The following SH3RF3 variants were observed in gnomAD, a reference collection of about 807,000 sequenced individuals.
SH3RF3 encodes the protein E3 ubiquitin-protein ligase SH3RF3.
Under a neutral mutation model 66.3 loss-of-function variants are expected in SH3RF3, and 29 were observed. The observed-to-expected ratio is 0.44, with a 90% CI of 0.33 to 0.60. SH3RF3 has a LOEUF of 0.60. Ranked by LOEUF, SH3RF3 falls within the 20% of genes least tolerant of loss-of-function variation. The pLI is 0.04. For synonymous variants in SH3RF3, 583 were observed against 532.0 expected (o/e 1.10, Z -1.32); for missense variants, 1,194 against 1,190.9 (o/e 1.00, Z -0.04).
chr2:109,370,407 T>C (rs1683243984), intron 2 of SH3RF3, among the ~76,000 whole-genome samples: 1 of 152,030 alleles, frequency 6.6e-6, no homozygotes, highest in Non-Finnish European at 1.5e-5. Context: ...GCCCGGCTTA[T>C]TTTTGTCTTT....
intron 9 of SH3RF3, among the ~76,000 whole-genome samples, chr2:109,493,306 T>C (rs1679178648): frequency 7.4e-6 from 1 of 135,396 alleles, no homozygotes; most frequent in African/African-American, 2.8e-5. Context: ...ATGCACACCA[T>C]GCAAATATAC....
intron 1 of SH3RF3, among the ~76,000 whole-genome samples, chr2:109,244,014 C>T (rs1387761401): frequency 6.6e-6 from 1 of 152,194 alleles, no homozygotes; most frequent in East Asian, 1.9e-4. Context: ...TTTTTGCCAT[C>T]AGCAGTGATC....
chr2:109,299,835 C>T (rs1681413061), intron 1 of SH3RF3, among the ~76,000 whole-genome samples: 1 of 152,236 alleles, frequency 6.6e-6, no homozygotes, highest in African/African-American at 2.4e-5. Flanking sequence ...TTACAAAACC[C>T]AGCATGTACA....
In SH3RF3 at chr2:109,130,176, C is replaced by T. The variant is rs1031112754; in HGVS notation, c.573+63C>T. On this transcript the variant is annotated intron_variant, in intron 1 of 9. Transcript: ENST00000309415. ...GGGAGTGTGTGGGTGGGTGCTTGGG[C>T]GTGGGGGGCAGTGATGAGGTGCGGA... 29 of 1,240,564 alleles carry T rather than the reference C, an allele frequency of 2.3e-5. No individual in the cohort carries two copies. In the African/African-American group the frequency reaches 3.7e-4, roughly 16 times the overall value. The allele number at this position is 1,240,564 out of a possible 1,614,324, so 76.8% of individuals were successfully genotyped here.
chr2:109,423,858 C>T (rs1390455599), intron 5 of SH3RF3, among the ~76,000 whole-genome samples: 5 of 152,162 alleles, frequency 3.3e-5, no homozygotes, highest in Admixed American at 6.5e-5. Context: ...CCACCCCTGC[C>T]GCCTGCACCT....
chr2:109,159,661 C>T (rs565256613), intron 1 of SH3RF3, among the ~76,000 whole-genome samples: 2 of 152,258 alleles, frequency 1.3e-5, no homozygotes, highest in East Asian at 3.9e-4. Flanking sequence ...AGGTGAGTGG[C>T]GGGAGAGCGA....
intron 1 of SH3RF3, among the ~76,000 whole-genome samples, chr2:109,269,161 G>A (rs1315984953): frequency 6.6e-6 from 1 of 152,190 alleles, no homozygotes; most frequent in Non-Finnish European, 1.5e-5. Context: ...CAGTTTCCCT[G>A]GGGGAGAGGG....
intron 1 of SH3RF3, among the ~76,000 whole-genome samples, chr2:109,198,487 T>G (rs1320897308): frequency 6.6e-6 from 1 of 152,178 alleles, no homozygotes; most frequent in Non-Finnish European, 1.5e-5. Context: ...TTTCTCAGGC[T>G]GCTATAACAA....
At chr2:109,428,590 G>A (rs141771157) in intron 5 of SH3RF3, among the ~76,000 whole-genome samples, 54 of 152,362 alleles carry the variant, frequency 3.5e-4, no homozygotes, top group African/African-American at 1.3e-3. Context: ...TCAGCAACCT[G>A]CCCTCAAGAG....
chr2:109,269,326 G>A (rs376336165), intron 1 of SH3RF3, among the ~76,000 whole-genome samples: 50 of 152,292 alleles, frequency 3.3e-4, no homozygotes, highest in African/African-American at 1.2e-3. Flanking sequence ...GGAAAACCTT[G>A]CCTTCCCCCC....
At chr2:109,491,025 C>A in intron 9 of SH3RF3, 89 bp downstream of exon 9, 1 of 1,266,234 alleles carries the variant, frequency 7.9e-7, no homozygotes, top group Non-Finnish European at 1.0e-6. Flanking sequence ...GACACTGTGG[C>A]CTTGCTGGGA....
chr2:109,368,010 G>T (rs1417341459), intron 2 of SH3RF3, among the ~76,000 whole-genome samples: 5 of 152,226 alleles, frequency 3.3e-5, no homozygotes, highest in Non-Finnish European at 7.3e-5. Flanking sequence ...GAACAAAAGG[G>T]GAATCTTCCT....
chr2:109,256,084 T>C (rs192347917), intron 1 of SH3RF3, among the ~76,000 whole-genome samples: 2 of 152,304 alleles, frequency 1.3e-5, no homozygotes, highest in East Asian at 3.9e-4. Context: ...ATATTAATAC[T>C]TGGCATTCCC....
At chr2:109,501,442 A>G in intron 9 of SH3RF3, 61 bp from the exon 10 acceptor site, 2 of 704,658 alleles carry the variant, frequency 2.8e-6, no homozygotes, top group Admixed American at 3.8e-5. Flanking sequence ...AAGAAGAGAA[A>G]GCACGACCCA....
Position 109,250,090 on chromosome 2 carries a change from CTT to C in SH3RF3, c.574-97570_574-97569del, listed in dbSNP as rs61141462. On this transcript the variant is annotated intron_variant, in intron 1 of 9. Transcript: ENST00000309415. ...TTTGAGGGCAAAACAGTAGGTGTTC[CTT>C]TTTTTTTTTTTTTGTCTAATTAGAA... is the stretch of plus-strand genomic sequence containing the variant. 1.5e-3 allele frequency among the ~76,000 whole-genome samples: 208 copies of C among 134,850 alleles called. 1 individual carries two copies. Among genetic ancestry groups the C allele is most frequent in the African/African-American group, 4.8e-3 (179 of 37,142 alleles). 88.5% of individuals were successfully genotyped at this position (134,850 alleles called of 152,430 possible). A position where few individuals can be genotyped will look rare whatever the true frequency, so the allele number is the denominator to read the frequency against.
At position 109,332,744 on chromosome 2, in the gene SH3RF3, G is replaced by C. The variant is rs572093221; in HGVS notation, c.574-14930G>C. ...GAACATATCCAGGAGCAGCCACCCC[G>C]CCCCCAGGGTTAGTGTGTGGAGGCA... On this transcript the variant is annotated intron_variant, in intron 1 of 9. Transcript: ENST00000309415. 3.3e-3 allele frequency among the ~76,000 whole-genome samples: 501 copies of C among 152,308 alleles called. 2 individuals carry two copies. Among genetic ancestry groups the C allele is most frequent in the Non-Finnish European group, 5.0e-3 (338 of 68,024 alleles).
chr2:109,267,789 C>A (rs568570718), intron 1 of SH3RF3, among the ~76,000 whole-genome samples: 3 of 152,204 alleles, frequency 2.0e-5, no homozygotes, highest in Non-Finnish European at 4.4e-5. Context: ...GGAGCGAGGC[C>A]GAGTCAAGCC....
chr2:109,312,998 A>G (rs1279582424), intron 1 of SH3RF3, among the ~76,000 whole-genome samples: 1 of 152,150 alleles, frequency 6.6e-6, no homozygotes, highest in Non-Finnish European at 1.5e-5. Context: ...AATGCGGAAG[A>G]AGGGGGCTGA....
At chr2:109,458,032 T>C (rs934404640) in intron 8 of SH3RF3, among the ~76,000 whole-genome samples, 2 of 152,130 alleles carry the variant, frequency 1.3e-5, no homozygotes, top group African/African-American at 2.4e-5. Flanking sequence ...TATTTTGTTT[T>C]TTCAGGCACT....
Sources: gnomAD v4.1 joint callset for allele counts (sites outside exome capture counted in the v4.1 genomes callset) on GRCh38, gnomAD v4.1.1 for gene constraint, MANE v1.5 for transcripts, NCBI Gene and HGNC (gene_info 2026-07-23, HGNC 2026-07-21) for gene names.